ATG5: variants seen among roughly 807,000 people sequenced by gnomAD.
The protein encoded by ATG5 is autophagy protein 5.
In ATG5, 14 loss-of-function variants were observed where a neutral mutation model predicts 36.5. The ratio of observed to expected loss-of-function variants is 0.38; its 90% CI spans 0.25 to 0.60. ATG5 has a LOEUF of 0.60. ATG5 is among the 20% of genes least tolerant of loss of function. The probability of loss-of-function intolerance (pLI) is 0.60; values close to 1 mark genes in which losing one functional copy is unlikely to be tolerated. For synonymous variants in ATG5, 95 were observed against 101.5 expected, an observed-to-expected ratio of 0.94 and a Z score of 0.38; for missense variants, 195 against 326.7, an observed-to-expected ratio of 0.60 and a Z score of 3.11.
At chr6:106,200,801 A>G (rs144832309) in intron 7 of ATG5, among the ~76,000 whole-genome samples, 202 of 152,274 alleles carry the variant, frequency 1.3e-3, no homozygotes, top group Admixed American at 9.7e-3. Context: ...TTTTATGTCA[A>G]TACAGTAATA....
At chr6:106,302,994 T>C (rs1173219697) in intron 3 of ATG5, among the ~76,000 whole-genome samples, 2 of 151,996 alleles carry the variant, frequency 1.3e-5, no homozygotes, top group South Asian at 4.1e-4. Flanking sequence ...TGCATTTTAC[T>C]ACAATTTAAA....
chr6:106,291,277 C>A (rs898394851), intron 4 of ATG5, among the ~76,000 whole-genome samples: 16 of 152,140 alleles, frequency 1.1e-4, no homozygotes, highest in Admixed American at 7.9e-4. Flanking sequence ...ACTACTACAT[C>A]CAGAAAAGTC....
chr6:106,279,217 C>T (rs548015886), intron 5 of ATG5, among the ~76,000 whole-genome samples: 1 of 152,276 alleles, frequency 6.6e-6, no homozygotes, highest in African/African-American at 2.4e-5. Flanking sequence ...TTCTAAACCA[C>T]AGCAAGGAGA....
At chr6:106,220,964 T>C (rs1626224) in intron 6 of ATG5, among the ~76,000 whole-genome samples, 12,855 of 152,240 alleles carry the variant, frequency 0.084, 573 homozygotes, top group South Asian at 0.13. Flanking sequence ...AATAGTAAAG[T>C]TGAAGAAATA....
At chr6:106,278,952 G>T (rs1769976) in intron 5 of ATG5, among the ~76,000 whole-genome samples, 2 of 152,074 alleles carry the variant, frequency 1.3e-5, no homozygotes, top group Non-Finnish European at 2.9e-5. Flanking sequence ...AATTATCTGC[G>T]GTTAATATAC....
intron 4 of ATG5, among the ~76,000 whole-genome samples, chr6:106,292,530 C>T (rs1349533948): frequency 6.6e-6 from 1 of 152,202 alleles, no homozygotes; most frequent in Non-Finnish European, 1.5e-5. Flanking sequence ...TTCAAAATAG[C>T]CTTAGAATTA....
intron 2 of ATG5, among the ~76,000 whole-genome samples, chr6:106,309,695 G>A (rs977583418): frequency 2.0e-5 from 3 of 152,228 alleles, no homozygotes; most frequent in African/African-American, 7.2e-5. Context: ...AAATGGCAGA[G>A]AAAAGATTCA....
intron 6 of ATG5, among the ~76,000 whole-genome samples, chr6:106,219,918 C>T (rs1777177133): frequency 6.6e-6 from 1 of 152,210 alleles, no homozygotes; most frequent in East Asian, 1.9e-4. Flanking sequence ...TATAATCAAA[C>T]TCACCATTCC....
chr6:106,272,416 T>C (rs776937873), intron 5 of ATG5, among the ~76,000 whole-genome samples: 52 of 152,344 alleles, frequency 3.4e-4, no homozygotes, highest in African/African-American at 5.8e-4. Flanking sequence ...GACTTCCAGT[T>C]TGACCTCCTT....
intron 2 of ATG5, 79 bp downstream of exon 2, chr6:106,316,022 G>A: frequency 8.9e-7 from 1 of 1,117,348 alleles, no homozygotes; most frequent in Non-Finnish European, 1.3e-6. Context: ...GTTACATAAT[G>A]GCCTCCAAGT....
At chr6:106,196,966 T>A (rs115917756) in intron 7 of ATG5, among the ~76,000 whole-genome samples, 1 of 152,132 alleles carries the variant, frequency 6.6e-6, no homozygotes, top group Non-Finnish European at 1.5e-5. Flanking sequence ...TTAACTTTAG[T>A]TTTTACAGAT....
chr6:106,309,125 T>C (rs1474553108), intron 2 of ATG5, among the ~76,000 whole-genome samples: 3 of 152,212 alleles, frequency 2.0e-5, no homozygotes, highest in Non-Finnish European at 2.9e-5. Context: ...CAAAAATTTA[T>C]GGTTTTCCTC....
At position 106,231,028 on chromosome 6, in the gene ATG5, C is replaced by A. The variant is rs1052980111; in HGVS notation, c.573+17122G>T. 6.6e-5 allele frequency among the ~76,000 whole-genome samples: 10 copies of A among 151,810 alleles called. No homozygotes were observed. The East Asian group carries it at 1.9e-3, about 30-fold the overall frequency. On this transcript the variant is annotated intron_variant, in intron 6 of 7. Coordinates refer to ENST00000369076, the MANE Select transcript of ATG5 (RefSeq NM_004849.4). ...AGACTCCTTCCCCAAATAATAAGGA[C>A]CCCCCTTCAACCCAAACGGTCCAAA...
intron 4 of ATG5, among the ~76,000 whole-genome samples, chr6:106,288,641 T>C (rs1780180112): frequency 6.6e-6 from 1 of 152,226 alleles, no homozygotes; most frequent in Non-Finnish European, 1.5e-5. Flanking sequence ...TGTGGTCTGG[T>C]GGAACAATAT....
At chr6:106,290,339 TAGAG>T (rs922099824) in intron 4 of ATG5, among the ~76,000 whole-genome samples, 1 of 151,728 alleles carries the variant, frequency 6.6e-6, no homozygotes, top group South Asian at 2.1e-4. Flanking sequence ...CATTTATTTT[TAGAG>T]AGAGTTTTGC....
intron 5 of ATG5, among the ~76,000 whole-genome samples, chr6:106,249,710 C>T (rs1778489853): frequency 1.3e-5 from 2 of 152,162 alleles, no homozygotes; most frequent in African/African-American, 4.8e-5. Flanking sequence ...GAGTGTACTA[C>T]CTTACATTTC....
At chr6:106,218,419 C>T (rs1286420420) in intron 6 of ATG5, among the ~76,000 whole-genome samples, 1 of 152,100 alleles carries the variant, frequency 6.6e-6, no homozygotes, top group African/African-American at 2.4e-5. Context: ...CAATATTTAA[C>T]GTGAACATTT....
intron 6 of ATG5, among the ~76,000 whole-genome samples, chr6:106,233,830 A>AC (rs1582586840): frequency 1.3e-5 from 2 of 151,584 alleles, no homozygotes; most frequent in East Asian, 1.9e-4. Context: ...CTCTCACTGC[A>AC]CCCCCTCCAT....
At chr6:106,297,481 G>C (rs1427755530) in intron 3 of ATG5, among the ~76,000 whole-genome samples, 1 of 152,106 alleles carries the variant, frequency 6.6e-6, no homozygotes, top group Non-Finnish European at 1.5e-5. Context: ...TTAGATGCAA[G>C]AAGGGCCAGA....
Sources: gnomAD v4.1 joint callset for allele counts (sites outside exome capture counted in the v4.1 genomes callset) on GRCh38, gnomAD v4.1.1 for gene constraint, MANE v1.5 for transcripts, NCBI Gene and HGNC (gene_info 2026-07-23, HGNC 2026-07-21) for gene names.